The following GRM5 variants were observed in gnomAD, a reference collection of about 807,000 sequenced individuals.
The protein encoded by GRM5 is metabotropic glutamate receptor 5.
In GRM5, 19 loss-of-function variants were observed where a neutral mutation model predicts 83.1. That is an observed-to-expected ratio of 0.23 (90% CI 0.16 to 0.34). The LOEUF (loss-of-function observed/expected upper bound fraction) is 0.34, where lower values mean the gene tolerates loss of function less well. Ranked by LOEUF, GRM5 falls within the 10% of genes least tolerant of loss-of-function variation. GRM5 has a pLI of 1.00. For synonymous variants in GRM5, 675 were observed against 633.6 expected, an observed-to-expected ratio of 1.07 and a Z score of -0.98; for missense variants, 1,160 against 1,588.3, an observed-to-expected ratio of 0.73 and a Z score of 4.58.
intron 2 of GRM5, among the ~76,000 whole-genome samples, chr11:88,862,215 G>A (rs1344652136): frequency 2.6e-5 from 4 of 152,116 alleles, no homozygotes; most frequent in Non-Finnish European, 5.9e-5. Context: ...TCACTTACAT[G>A]GTTTTTGGGA....
chr11:88,968,622 A>G (rs1939068806), intron 2 of GRM5, among the ~76,000 whole-genome samples: 1 of 152,108 alleles, frequency 6.6e-6, no homozygotes, highest in South Asian at 2.1e-4. Flanking sequence ...GCTGCAGTGA[A>G]CCATAAATGT....
rs74871944 is a variant in GRM5, at chr11:88,564,527, G to A, written c.2630+2526C>T. On this transcript the variant is annotated intron_variant, in intron 8 of 9. Coordinates refer to ENST00000305447, the MANE Select transcript of GRM5 (RefSeq NM_001143831.3). The stretch of plus-strand genomic sequence containing the variant: ...AGCAGAGACTGATGACCACAGGAGT[G>A]AGAGAGATATCTGTAATACAGGGCA... Among the ~76,000 whole-genome samples, 637 of 152,278 alleles carry A rather than the reference G, an allele frequency of 4.2e-3. 5 individuals are homozygous for A. The highest frequency in any genetic ancestry group is 0.015 in the African/African-American group (609 of 41,558).
At chr11:88,806,998 C>T (rs1265981597) in intron 3 of GRM5, among the ~76,000 whole-genome samples, 2 of 152,168 alleles carry the variant, frequency 1.3e-5, no homozygotes, top group Non-Finnish European at 2.9e-5. Flanking sequence ...TCTTCCCTAA[C>T]TTGCCCAGGC....
intron 3 of GRM5, among the ~76,000 whole-genome samples, chr11:88,694,676 A>G (rs563205576): frequency 3.9e-5 from 6 of 152,256 alleles, no homozygotes; most frequent in African/African-American, 1.4e-4. Context: ...ACAATCATAA[A>G]ACTATCATGA....
At chr11:88,573,493 C>A (rs1013422368) in intron 7 of GRM5, among the ~76,000 whole-genome samples, 3 of 152,152 alleles carry the variant, frequency 2.0e-5, no homozygotes, top group African/African-American at 7.2e-5. Context: ...GAGCTCCTTA[C>A]CAAGCTCCTA....
intron 2 of GRM5, among the ~76,000 whole-genome samples, chr11:89,013,498 G>A (rs1341453429): frequency 6.6e-6 from 1 of 152,168 alleles, no homozygotes; most frequent in African/African-American, 2.4e-5. Context: ...TCAGAATCCT[G>A]ATGGTGAAGT....
At chr11:88,997,693 A>C (rs1940235344) in intron 2 of GRM5, among the ~76,000 whole-genome samples, 1 of 152,102 alleles carries the variant, frequency 6.6e-6, no homozygotes, top group South Asian at 2.1e-4. Flanking sequence ...ACATACTTGA[A>C]AACTTTGAGG....
At chr11:88,775,166 T>C in intron 3 of GRM5, among the ~76,000 whole-genome samples, 1 of 152,200 alleles carries the variant, frequency 6.6e-6, no homozygotes, top group Non-Finnish European at 1.5e-5. Flanking sequence ...GGTTTAGTCT[T>C]GGGAGCGTGT....
intron 3 of GRM5, among the ~76,000 whole-genome samples, chr11:88,793,088 C>G (rs149770723): frequency 6.6e-6 from 1 of 152,042 alleles, no homozygotes; most frequent in Non-Finnish European, 1.5e-5. Flanking sequence ...ACAGATTATA[C>G]CCTTCTGTTC....
At chr11:88,755,658 A>C (rs1335751162) in intron 3 of GRM5, among the ~76,000 whole-genome samples, 2 of 152,174 alleles carry the variant, frequency 1.3e-5, no homozygotes, top group Non-Finnish European at 2.9e-5. Flanking sequence ...AGTTAGAGAC[A>C]CAGCAAATTT....
At chr11:88,698,616 AC>A (rs1222309393) in intron 3 of GRM5, among the ~76,000 whole-genome samples, 14 of 152,164 alleles carry the variant, frequency 9.2e-5, no homozygotes, top group African/African-American at 3.4e-4. Context: ...AGTTACTGCC[AC>A]CATCAAAGGG....
At chr11:88,620,927 G>A (rs1938616547) in intron 4 of GRM5, among the ~76,000 whole-genome samples, 1 of 152,176 alleles carries the variant, frequency 6.6e-6, no homozygotes, top group Non-Finnish European at 1.5e-5. Flanking sequence ...GGCTTCTTCA[G>A]GGAGCTTCAA....
At chr11:88,837,447 T>G (rs972096668) in intron 3 of GRM5, among the ~76,000 whole-genome samples, 9 of 152,198 alleles carry the variant, frequency 5.9e-5, no homozygotes, top group African/African-American at 2.2e-4. Context: ...TACATGAAGA[T>G]CAACCACTTA....
chr11:89,012,123 G>A (rs1296813993), intron 2 of GRM5, among the ~76,000 whole-genome samples: 1 of 152,096 alleles, frequency 6.6e-6, no homozygotes, highest in Non-Finnish European at 1.5e-5. Context: ...AGTGAGTGAA[G>A]AATGGAAGAG....
chr11:88,721,509 A>G (rs564171387), intron 3 of GRM5, among the ~76,000 whole-genome samples: 42 of 152,236 alleles, frequency 2.8e-4, no homozygotes, highest in Admixed American at 1.0e-3. Context: ...CTAATATTAC[A>G]GTTTATAGCA....
intron 2 of GRM5, among the ~76,000 whole-genome samples, chr11:89,012,891 C>T (rs1244989413): frequency 6.6e-6 from 1 of 152,228 alleles, no homozygotes; most frequent in Non-Finnish European, 1.5e-5. Flanking sequence ...AGCTATAGCA[C>T]AGAGAACTTG....
At position 88,844,076 on chromosome 11, in the gene GRM5, GGAA is replaced by G. The variant is rs1944255242; in HGVS notation, c.911+5827_911+5829del. ...AATGCAGACAAAACAGCCTTTTTTTGGAAGAAGATGCCATCTAACACTTTCTCA... is the reference window on the plus strand; with the variant it reads ...AATGCAGACAAAACAGCCTTTTTTTGGAAGATGCCATCTAACACTTTCTCA... On this transcript the variant is annotated intron_variant, in intron 3 of 9. Transcript: ENST00000305447. Among the ~76,000 whole-genome samples, 9 of 152,080 alleles carry G rather than the reference GGAA, an allele frequency of 5.9e-5. No homozygotes were observed. The South Asian group carries it at 1.9e-3, about 32-fold the overall frequency.
chr11:88,719,453 C>G (rs1174586119), intron 3 of GRM5, among the ~76,000 whole-genome samples: 1 of 152,072 alleles, frequency 6.6e-6, no homozygotes, highest in African/African-American at 2.4e-5. Context: ...TTTCTTCATC[C>G]AGTCTATCAT....
At chr11:88,667,662 T>C (rs1053688044) in intron 3 of GRM5, among the ~76,000 whole-genome samples, 3 of 151,888 alleles carry the variant, frequency 2.0e-5, no homozygotes, top group Non-Finnish European at 4.4e-5. Flanking sequence ...GGGAGGCCAA[T>C]GCAGGCAGAT....
Sources: gnomAD v4.1 joint callset for allele counts (sites outside exome capture counted in the v4.1 genomes callset) on GRCh38, gnomAD v4.1.1 for gene constraint, MANE v1.5 for transcripts, NCBI Gene and HGNC (gene_info 2026-07-23, HGNC 2026-07-21) for gene names.